PPP2R5B: variants seen among roughly 807,000 people sequenced by gnomAD.
PPP2R5B encodes protein phosphatase 2 regulatory subunit B'beta, also known as serine/threonine-protein phosphatase 2A 56 kDa regulatory subunit beta isoform.
Under a neutral mutation model 59.9 loss-of-function variants are expected in PPP2R5B, and 19 were observed. The observed-to-expected ratio is 0.32, with a 90% CI of 0.22 to 0.47. The LOEUF is 0.47. Ranked by LOEUF, PPP2R5B falls within the 20% of genes least tolerant of loss-of-function variation. PPP2R5B has a pLI of 1.00. For missense variants in PPP2R5B, 441 were observed against 640.2 expected, an observed-to-expected ratio of 0.69 and a Z score of 3.36; for synonymous variants, 286 against 260.5, an observed-to-expected ratio of 1.10 and a Z score of -0.94.
chr11:64,932,111 G>A (rs530071012), intron 11 of PPP2R5B, among the ~76,000 whole-genome samples: 1 of 152,310 alleles, frequency 6.6e-6, no homozygotes, highest in Non-Finnish European at 1.5e-5. Context: ...GCTGTAAAAT[G>A]GGCCAACAAC....
chr11:64,928,500 T>C, intron 6 of PPP2R5B, 75 bp downstream of exon 6: 2 of 1,597,364 alleles, frequency 1.3e-6, no homozygotes, highest in East Asian at 2.2e-5. Context: ...GCAAAGGCCA[T>C]GTGCGGTGGC....
rs758441336 is a variant in PPP2R5B at position 64,932,404 on chromosome 11, G to A, written c.1117-361G>A. ...TTCCTCACAGTGATTCTGGCACTTC[G>A]GTTCATTAAACACCTAAAAGTCTAG... On this transcript the variant is annotated intron_variant, in intron 11 of 13. Transcript: ENST00000164133. Among the ~76,000 whole-genome samples the A allele has an allele frequency of 7.9e-5, 12 of 152,092 alleles. No homozygotes were observed. In the South Asian group the frequency reaches 8.3e-4, roughly 11 times the overall value.
intron 13 of PPP2R5B, 120 bp from the exon 14 acceptor site, chr11:64,933,577 C>A: frequency 1.5e-6 from 2 of 1,305,108 alleles, no homozygotes; most frequent in Non-Finnish European, 1.0e-6. Flanking sequence ...AGTCACAGAA[C>A]AAAAATGGTT....
At position 64,925,497 on chromosome 11, in the gene PPP2R5B, T is replaced by G. The variant is rs1056411619; in HGVS notation, c.-238T>G. ...GCCAGGGTGGGAACCCTAACTGGAC[T>G]CTTCGGGACCCCCAGGAAGGATCTG... On this transcript the variant is annotated 5_prime_UTR_variant, in exon 2 of 14. Transcript: ENST00000164133. The surrounding 1 kb of genome is among the most constrained non-coding windows in gnomAD (Gnocchi z 4.6). The G allele has an allele frequency of 2.1e-6, 1 of 470,506 alleles. No individual in the cohort carries two copies. The highest frequency in any genetic ancestry group is 3.8e-6 in the Non-Finnish European group (1 of 263,504). The allele number at this position is 470,506 out of a possible 1,614,324, so 29.1% of individuals were successfully genotyped here.
chr11:64,925,619 C>G lies in PPP2R5B; in HGVS notation c.-116C>G, dbSNP rs923660059. The stretch of plus-strand genomic sequence containing the variant: ...GGGCCCAGGACTGTGGTTGTGCCCC[C>G]CCCCCAAAGGCCGGACAGGATGGGA... On this transcript the variant is annotated 5_prime_UTR_variant, in exon 2 of 14. Coordinates refer to ENST00000164133, the MANE Select transcript of PPP2R5B (RefSeq NM_006244.4). This position sits in a 1 kb window ranked among gnomAD's most constrained non-coding sequence, Gnocchi z 4.6. The G allele has an allele frequency of 3.6e-6, 2 of 553,296 alleles. No individual in the cohort carries two copies. Among genetic ancestry groups the G allele is most frequent in the Non-Finnish European group, 6.4e-6 (2 of 311,344 alleles). 34.3% of individuals were successfully genotyped at this position (553,296 alleles called of 1,614,324 possible). A position where few individuals can be genotyped will look rare whatever the true frequency, so the allele number is the denominator to read the frequency against.
In PPP2R5B at chr11:64,933,192, T is replaced by C; in HGVS notation, c.1292T>C (p.Met431Thr). ...IYNVLKTFME[M>T]NGKLFDELTA... Reference sequence around the variant, plus strand: ...AATGTGCTCAAGACCTTCATGGAGATGAATGGGAAGCTGTTTGATGAGCTC... The same window carrying C: ...AATGTGCTCAAGACCTTCATGGAGACGAATGGGAAGCTGTTTGATGAGCTC... Residue 431 changes from methionine (M) to threonine (T), a missense_variant, in exon 13 of 14, where the codon ATG becomes ACG. Physicochemically the swap from Met to Thr is moderately conservative, Grantham distance 81. Transcript: ENST00000164133. 1 of 1,613,410 alleles carries C rather than the reference T, an allele frequency of 6.2e-7. No individual in the cohort carries two copies. The highest frequency in any genetic ancestry group is 8.5e-7 in the Non-Finnish European group (1 of 1,179,566).
rs1017989246 is a variant in PPP2R5B at position 64,925,595 on chromosome 11, G to T, written c.-140G>T. On this transcript the variant is annotated 5_prime_UTR_variant, in exon 2 of 14. Coordinates refer to ENST00000164133, the MANE Select transcript of PPP2R5B (RefSeq NM_006244.4). This position sits in a 1 kb window ranked among gnomAD's most constrained non-coding sequence, Gnocchi z 4.6. ...GCAGTTGCAGGAGGCCCTGGGGGGG[G>T]GCCCAGGACTGTGGTTGTGCCCCCC... 28 of 570,474 alleles carry T rather than the reference G, an allele frequency of 4.9e-5. No homozygotes were observed. In the Admixed American group the frequency reaches 5.0e-4, roughly 10 times the overall value. The allele number at this position is 570,474 out of a possible 1,614,324, so 35.3% of individuals were successfully genotyped here.
upstream of PPP2R5B, chr11:64,924,647 C>G (rs1474838508): frequency 6.6e-6 from 1 of 152,316 alleles, no homozygotes; most frequent in East Asian, 1.9e-4. Context: ...CCCCCCCTTT[C>G]AGCCCGCGGG....
chr11:64,923,740 C>T (rs1164551796), upstream of PPP2R5B, among the ~76,000 whole-genome samples: 1 of 152,322 alleles, frequency 6.6e-6, no homozygotes, highest in Admixed American at 6.5e-5. Flanking sequence ...TCTCATCACC[C>T]TTTCCTACTG....
intron 13 of PPP2R5B, 117 bp downstream of exon 13, chr11:64,933,363 C>A: frequency 2.3e-6 from 2 of 873,848 alleles, no homozygotes; most frequent in Non-Finnish European, 1.8e-6. Flanking sequence ...TGCTGCAAGA[C>A]TGTCCATGCT....
At position 64,933,952 on chromosome 11, in the gene PPP2R5B, G is replaced by T. The variant is rs1391827881; in HGVS notation, c.*108G>T. 6 of 1,342,164 alleles carry T rather than the reference G, an allele frequency of 4.5e-6. No homozygotes were observed. The highest frequency in any genetic ancestry group is 5.8e-6 in the Non-Finnish European group (6 of 1,027,160). 83.1% of individuals were successfully genotyped at this position (1,342,164 alleles called of 1,614,324 possible). ...CACACCTACCCCTGGCCTTGCCAGA[G>T]TGGCTTCTGAGGACTCCCTGCCCAG... On this transcript the variant is annotated 3_prime_UTR_variant, in exon 14 of 14. Transcript: ENST00000164133.
Position 64,933,188 on chromosome 11 carries a change from G to A in PPP2R5B, c.1288G>A (p.Glu430Lys), listed in dbSNP as rs1945246727. 6.2e-7 allele frequency: 1 copy of A among 1,613,538 alleles called. No individual in the cohort carries two copies. Among genetic ancestry groups the A allele is most frequent in the East Asian group, 2.2e-5 (1 of 44,876 alleles). Residue 430 changes from glutamate to lysine, a missense_variant, in exon 13 of 14, where the codon GAG (glutamate) becomes AAG (lysine). This residue lies in a region of PPP2R5B where 268 missense variants were observed against 488.1 expected (regional missense o/e 0.55). Coordinates refer to ENST00000164133, the MANE Select transcript of PPP2R5B (RefSeq NM_006244.4). ...CTACAATGTGCTCAAGACCTTCATG[G>A]AGATGAATGGGAAGCTGTTTGATGA... is the stretch of plus-strand genomic sequence containing the variant. Reference protein sequence around the residue: ...LIYNVLKTFMEMNGKLFDELT... With the variant: ...LIYNVLKTFMKMNGKLFDELT...
chr11:64,927,043 C>CT (rs2136681274), intron 3 of PPP2R5B, 135 bp downstream of exon 3: 2 of 1,046,492 alleles, frequency 1.9e-6, no homozygotes, highest in East Asian at 2.6e-5. Context: ...TCCTTCCCCC[C>CT]GACCTGCTGC....
At position 64,925,526 on chromosome 11, in the gene PPP2R5B, C is replaced by A; in HGVS notation, c.-209C>A. On this transcript the variant is annotated 5_prime_UTR_variant, in exon 2 of 14. Coordinates refer to ENST00000164133, the MANE Select transcript of PPP2R5B (RefSeq NM_006244.4). This position sits in a 1 kb window ranked among gnomAD's most constrained non-coding sequence, Gnocchi z 4.6. Reference sequence around the variant, plus strand: ...CGGGACCCCCAGGAAGGATCTGAGGCCTGAGCCATCCTCCTTTCTACCCTG... The same window carrying A: ...CGGGACCCCCAGGAAGGATCTGAGGACTGAGCCATCCTCCTTTCTACCCTG... The A allele has an allele frequency of 1.8e-6, 1 of 546,674 alleles. No homozygotes were observed. The highest frequency in any genetic ancestry group is 3.3e-6 in the Non-Finnish European group (1 of 307,322). The allele number at this position is 546,674 out of a possible 1,614,324, so 33.9% of individuals were successfully genotyped here.
rs766203893 is a variant in PPP2R5B, at chr11:64,928,457, TG to T, written c.722+36del. On this transcript the variant is annotated intron_variant, in intron 6 of 13. Transcript: ENST00000164133. ...GGCTGCTGCCTGCCCAGCAGAGACC[TG>T]GGGAGGGTGAGAGGGCTGTTAGAAG... 14 of 1,613,592 alleles carry T rather than the reference TG, an allele frequency of 8.7e-6. No individual in the cohort carries two copies. The East Asian group carries it at 3.1e-4, about 36-fold the overall frequency.
At chr11:64,926,943 C>G in intron 3 of PPP2R5B, 35 bp downstream of exon 3, 1 of 1,600,492 alleles carries the variant, frequency 6.2e-7, no homozygotes, top group East Asian at 2.3e-5. Context: ...GAGGGCCGGC[C>G]GAGAGGGCGT....
At chr11:64,919,728 A>G (rs1250955999), upstream of PPP2R5B, among the ~76,000 whole-genome samples, 1 of 151,976 alleles carries the variant, frequency 6.6e-6, no homozygotes, top group Non-Finnish European at 1.5e-5. Flanking sequence ...TAAAAAAAAA[A>G]TTAATAGTAA....
At chr11:64,928,996 A>AG (rs1554968828) in intron 6 of PPP2R5B, among the ~76,000 whole-genome samples, 1 of 152,158 alleles carries the variant, frequency 6.6e-6, no homozygotes, top group Non-Finnish European at 1.5e-5. Flanking sequence ...ACAAAAAAAA[A>AG]GAAGACTGCA....
At chr11:64,919,046 G>T (rs1195180607) in intron 1 of PPP2R5B, among the ~76,000 whole-genome samples, 16 of 152,180 alleles carry the variant, frequency 1.1e-4, no homozygotes, top group Non-Finnish European at 2.9e-5. Context: ...CAGCCATTCA[G>T]AAAGTGCTTA....
Sources: allele counts gnomAD v4.1 joint callset (sites outside exome capture counted in the v4.1 genomes callset), GRCh38; gene constraint gnomAD v4.1.1; regional missense constraint gnomAD v4.1.1; non-coding constraint Gnocchi (gnomAD v3.1); transcripts MANE v1.5; gene names NCBI Gene and HGNC (gene_info 2026-07-23, HGNC 2026-07-21).